Variants in PBK observed in about 807,000 individuals in gnomAD.
PBK encodes the protein lymphokine-activated killer T-cell-originated protein kinase.
PBK carries 22 observed loss-of-function variants against 33.5 expected under a neutral mutation model. The ratio of observed to expected loss-of-function variants is 0.66; its 90% CI spans 0.47 to 0.94. The LOEUF (loss-of-function observed/expected upper bound fraction) is 0.94. Ranked by LOEUF, PBK falls within the 40% of genes least tolerant of loss-of-function variation. PBK has a pLI of 0.00. For missense variants in PBK, 376 were observed against 383.4 expected (o/e 0.98, Z 0.16); for synonymous variants, 129 against 123.8 (o/e 1.04, Z -0.28).
chr8:27,816,798 ACT>A (rs1045376799), intron 6 of PBK, among the ~76,000 whole-genome samples: 3 of 151,892 alleles, frequency 2.0e-5, no homozygotes, highest in Non-Finnish European at 4.4e-5. Flanking sequence ...GCTATTTTAT[ACT>A]CTGTTTATCT....
At chr8:27,818,573 AT>A (rs989217669) in intron 6 of PBK, among the ~76,000 whole-genome samples, 1 of 151,996 alleles carries the variant, frequency 6.6e-6, no homozygotes. Context: ...CCTAATTGCC[AT>A]TTTTTTCATT....
At chr8:27,824,055 A>G (rs2128963931) in intron 3 of PBK, among the ~76,000 whole-genome samples, 1 of 152,206 alleles carries the variant, frequency 6.6e-6, no homozygotes, top group South Asian at 2.1e-4. Context: ...TAGCTCTAAG[A>G]CTGCAGAACC....
intron 1 of PBK, among the ~76,000 whole-genome samples, 179 bp from the exon 2 acceptor site, chr8:27,833,312 C>T (rs1431777329): frequency 1.3e-5 from 2 of 151,910 alleles, no homozygotes; most frequent in African/African-American, 4.8e-5. Flanking sequence ...GAGTTCGAGA[C>T]CAGCCCGACC....
At chr8:27,829,041 T>A (rs1806079611) in intron 2 of PBK, among the ~76,000 whole-genome samples, 1 of 152,144 alleles carries the variant, frequency 6.6e-6, no homozygotes, top group East Asian at 1.9e-4. Context: ...CCTGTCACAT[T>A]GAAGAGACAG....
chr8:27,819,434 A>G (rs1805877675), intron 6 of PBK, among the ~76,000 whole-genome samples: 1 of 152,138 alleles, frequency 6.6e-6, no homozygotes, highest in Non-Finnish European at 1.5e-5. Context: ...TAAATATTTT[A>G]TAAATGGAAT....
At chr8:27,837,280 C>T (rs1471435073) in intron 1 of PBK, among the ~76,000 whole-genome samples, 1 of 152,158 alleles carries the variant, frequency 6.6e-6, no homozygotes, top group East Asian at 1.9e-4. Context: ...GCCTGGGACC[C>T]TGGGACTCAA....
At chr8:27,831,498 CTCTCA>C (rs1806128786) in intron 2 of PBK, among the ~76,000 whole-genome samples, 1 of 113,154 alleles carries the variant, frequency 8.8e-6, no homozygotes, top group Admixed American at 8.4e-5. Context: ...CAACTCTCTT[CTCTCA>C]TAATTAATAT....
intron 5 of PBK, 152 bp from the exon 6 acceptor site, chr8:27,820,846 C>T (rs1440447360): frequency 1.2e-5 from 5 of 427,422 alleles, no homozygotes; most frequent in African/African-American, 2.5e-5. Context: ...TTTTTTAAAA[C>T]GGAGTCTCAC....
intron 2 of PBK, among the ~76,000 whole-genome samples, chr8:27,831,072 T>C (rs551764108): frequency 1.3e-5 from 2 of 152,290 alleles, no homozygotes; most frequent in South Asian, 2.1e-4. Context: ...ATCTGACTTG[T>C]GGTTTATGTG....
intron 1 of PBK, among the ~76,000 whole-genome samples, chr8:27,834,454 G>A (rs933757445): frequency 6.6e-6 from 1 of 152,146 alleles, no homozygotes; most frequent in African/African-American, 2.4e-5. Context: ...TTTCTTTCTG[G>A]GGTGAAGAAA....
chr8:27,821,162 C>G lies in PBK; in HGVS notation c.466-468G>C, dbSNP rs114708853. On this transcript the variant is annotated intron_variant, in intron 5 of 7. Coordinates refer to ENST00000301905, the MANE Select transcript of PBK (RefSeq NM_018492.4). The stretch of plus-strand genomic sequence containing the variant: ...ATTTGAAACAAGAGAAGGGAACATC[C>G]CATGTTATCTCAGTCTGCCATACTG... Among the ~76,000 whole-genome samples the G allele has an allele frequency of 7.6e-3, 1,146 of 151,658 alleles. 12 individuals are homozygous for G. Among genetic ancestry groups the G allele is most frequent in the African/African-American group, 0.026 (1,067 of 41,334 alleles).
intron 3 of PBK, among the ~76,000 whole-genome samples, chr8:27,823,899 T>A (rs1563492775): frequency 6.6e-6 from 1 of 151,988 alleles, no homozygotes; most frequent in Non-Finnish European, 1.5e-5. Flanking sequence ...GTAGAGCAAA[T>A]CACAAAATAC....
intron 6 of PBK, among the ~76,000 whole-genome samples, chr8:27,818,281 G>A (rs1378113546): frequency 6.6e-6 from 1 of 152,174 alleles, no homozygotes; most frequent in Non-Finnish European, 1.5e-5. Context: ...TGTATGAGAG[G>A]ACATGTTAAC....
intron 6 of PBK, among the ~76,000 whole-genome samples, chr8:27,815,261 C>G (rs1284801734): frequency 6.6e-6 from 1 of 152,180 alleles, no homozygotes; most frequent in African/African-American, 2.4e-5. Context: ...TTAACAAGCA[C>G]TCATTTATTC....
rs200942136 is a variant in PBK, at chr8:27,813,289, T to TG, written c.596-2156dup. ...ACAATAAGAACACTTGGACACAGGG[T>TG]GGGGAACATCACACCCTGGGGCCTG... On this transcript the variant is annotated intron_variant, in intron 6 of 7. Transcript: ENST00000301905. 9.9e-3 allele frequency among the ~76,000 whole-genome samples: 1,504 copies of TG among 151,838 alleles called. 19 individuals carry two copies. The highest frequency in any genetic ancestry group is 0.034 in the African/African-American group (1,394 of 41,390).
intron 6 of PBK, among the ~76,000 whole-genome samples, chr8:27,813,912 T>C (rs1023559836): frequency 2.7e-5 from 4 of 149,998 alleles, no homozygotes; most frequent in African/African-American, 9.9e-5. Flanking sequence ...ATGATTTTTT[T>C]TTCTTATCAG....
intron 1 of PBK, among the ~76,000 whole-genome samples, chr8:27,833,591 T>A (rs1233717049): frequency 6.6e-6 from 1 of 151,784 alleles, no homozygotes. Flanking sequence ...TCAACAAACA[T>A]TTAGCCCAAT....
intron 3 of PBK, among the ~76,000 whole-genome samples, chr8:27,823,878 G>A (rs1399585827): frequency 2.0e-5 from 3 of 152,092 alleles, no homozygotes; most frequent in African/African-American, 7.2e-5. Context: ...TGAGGTGGTA[G>A]ATATTTATGA....
chr8:27,816,525 C>G (rs979222208), intron 6 of PBK, among the ~76,000 whole-genome samples: 4 of 151,310 alleles, frequency 2.6e-5, no homozygotes, highest in Non-Finnish European at 4.4e-5. Flanking sequence ...TACAGCTGCC[C>G]GCCACCACGC....
Sources: allele counts gnomAD v4.1 joint callset (sites outside exome capture counted in the v4.1 genomes callset), GRCh38; gene constraint gnomAD v4.1.1; transcripts MANE v1.5; gene names NCBI Gene and HGNC (gene_info 2026-07-23, HGNC 2026-07-21).